The following HEATR5B variants were observed in gnomAD, a reference collection of about 807,000 sequenced individuals.
HEATR5B encodes HEAT repeat-containing protein 5B.
HEATR5B carries 156 observed loss-of-function variants against 224.1 expected under a neutral mutation model. That is an observed-to-expected ratio of 0.70 (90% CI 0.61 to 0.80). HEATR5B has a LOEUF of 0.80. Ranked by LOEUF, HEATR5B falls within the 30% of genes least tolerant of loss-of-function variation. The pLI is 0.00. For synonymous variants in HEATR5B, 1,027 were observed against 893.0 expected (o/e 1.15, Z -2.68); for missense variants, 2,323 against 2,535.5 (o/e 0.92, Z 1.80).
rs77202432 is a variant in HEATR5B, at chr2:37,027,844, G to A, written c.3853+79C>T. The A allele has an allele frequency of 1.1e-3, 1,476 of 1,388,370 alleles. 7 individuals are homozygous for A. The African/African-American group carries it at 0.016, about 15-fold the overall frequency. 86.0% of individuals were successfully genotyped at this position (1,388,370 alleles called of 1,614,324 possible). On this transcript the variant is annotated intron_variant, in intron 24 of 35. Transcript: ENST00000233099. Reference sequence around the variant, plus strand: ...TATTCTAAAGCACGCTATATCTGTCGCAGTAAAATATCTCATAGCAGCAAA... The same window carrying A: ...TATTCTAAAGCACGCTATATCTGTCACAGTAAAATATCTCATAGCAGCAAA...
chr2:37,059,045 T>C, intron 12 of HEATR5B, 58 bp from the exon 13 acceptor site: 1 of 1,060,612 alleles, frequency 9.4e-7, no homozygotes, highest in Non-Finnish European at 1.4e-6. Flanking sequence ...ATGAATTAAT[T>C]TATAAAATTG....
intron 5 of HEATR5B, among the ~76,000 whole-genome samples, 197 bp downstream of exon 5, chr2:37,075,288 A>G (rs1470300963): frequency 6.6e-6 from 1 of 152,252 alleles, no homozygotes; most frequent in Non-Finnish European, 1.5e-5. Flanking sequence ...AAACAATTAT[A>G]CTAAGTGAAA....
intron 35 of HEATR5B, among the ~76,000 whole-genome samples, chr2:36,987,225 T>A (rs141924980): frequency 6.6e-6 from 1 of 152,058 alleles, no homozygotes; most frequent in African/African-American, 2.4e-5. Flanking sequence ...GGTGAGGAGT[T>A]CAAGACCAAC....
intron 24 of HEATR5B, among the ~76,000 whole-genome samples, chr2:37,021,088 G>A (rs1034332758): frequency 6.6e-5 from 10 of 152,118 alleles, no homozygotes; most frequent in South Asian, 2.1e-4. Flanking sequence ...TACTTTTAAC[G>A]TAACTTTCCC....
chr2:37,056,962 A>G (rs1218473059), intron 15 of HEATR5B, among the ~76,000 whole-genome samples: 1 of 152,188 alleles, frequency 6.6e-6, no homozygotes, highest in Non-Finnish European at 1.5e-5. Context: ...TCAGTGGGCA[A>G]AAGTTCTAAA....
intron 16 of HEATR5B, among the ~76,000 whole-genome samples, chr2:37,054,348 A>C (rs1670758525): frequency 6.8e-6 from 1 of 146,268 alleles, no homozygotes. Context: ...CGCCTGGCTA[A>C]TTTTGTATTT....
intron 35 of HEATR5B, among the ~76,000 whole-genome samples, chr2:36,982,859 CAG>C (rs1665672115): frequency 7.3e-6 from 1 of 136,954 alleles, no homozygotes; most frequent in Non-Finnish European, 1.5e-5. Flanking sequence ...ATAACAGACA[CAG>C]ATACACACAC....
intron 33 of HEATR5B, among the ~76,000 whole-genome samples, chr2:36,992,188 AC>A (rs1437866468): frequency 1.3e-5 from 2 of 152,130 alleles, no homozygotes; most frequent in Non-Finnish European, 2.9e-5. Context: ...ACAGAGTGAG[AC>A]TCAGTCTCAA....
At position 37,058,477 on chromosome 2, in the gene HEATR5B, G is replaced by T; in HGVS notation, c.2033C>A (p.Ala678Asp). Residue 678 changes from alanine to aspartate, a missense_variant, in exon 14 of 36, where the codon GCT (alanine) becomes GAT (aspartate). By Grantham distance (126) the Ala-to-Asp change is moderately radical (BLOSUM62 -2). This residue lies in a region of HEATR5B where 502 missense variants were observed against 517.8 expected (regional missense o/e 0.97). Coordinates refer to ENST00000233099, the MANE Select transcript of HEATR5B (RefSeq NM_019024.3). ...MVRLRLYDIL[A>D]LLPPKTYEGS... ...TTCATAAGTTTTTGGAGGTAACAAA[G>T]CCAAGATATCATAAAGTCTTAAACG... The T allele has an allele frequency of 6.2e-7, 1 of 1,611,422 alleles. No individual in the cohort carries two copies. The highest frequency in any genetic ancestry group is 1.1e-5 in the South Asian group (1 of 90,986).
chr2:36,996,456 G>A (rs1666719899), intron 33 of HEATR5B, among the ~76,000 whole-genome samples: 1 of 143,588 alleles, frequency 7.0e-6, no homozygotes, highest in Admixed American at 7.1e-5. Context: ...ATGGAATCTC[G>A]CCCAAGCTTG....
Position 37,008,594 on chromosome 2 carries a change from C to A in HEATR5B, c.4522+17G>T. The A allele has an allele frequency of 6.4e-7, 1 of 1,553,710 alleles. No individual in the cohort carries two copies. The highest frequency in any genetic ancestry group is 8.9e-7 in the Non-Finnish European group (1 of 1,124,928). ...CTTTGAACTCCATAAAAGTAAAACT[C>A]AGAATGTAATACTCACCATCTGGAG... On this transcript the variant is annotated intron_variant, in intron 28 of 35. Transcript: ENST00000233099.
intron 24 of HEATR5B, among the ~76,000 whole-genome samples, chr2:37,027,265 G>C (rs1422381173): frequency 6.6e-6 from 1 of 152,126 alleles, no homozygotes; most frequent in Non-Finnish European, 1.5e-5. Flanking sequence ...ACAAACTATA[G>C]GATAAGGAAT....
intron 9 of HEATR5B, among the ~76,000 whole-genome samples, chr2:37,065,277 T>G (rs1671520342): frequency 6.6e-6 from 1 of 152,140 alleles, no homozygotes; most frequent in Admixed American, 6.6e-5. Flanking sequence ...TGATTTCTGT[T>G]CCAAAACTTT....
At chr2:37,047,873 C>T (rs1344611148) in intron 18 of HEATR5B, among the ~76,000 whole-genome samples, 1 of 152,128 alleles carries the variant, frequency 6.6e-6, no homozygotes, top group Non-Finnish European at 1.5e-5. Flanking sequence ...TCTGCCAAAT[C>T]TAAGACACCA....
chr2:37,007,781 T>C (rs75370310), intron 28 of HEATR5B, among the ~76,000 whole-genome samples: 1 of 152,372 alleles, frequency 6.6e-6, no homozygotes, highest in Non-Finnish European at 1.5e-5. Context: ...TGAACTGGAA[T>C]ACCTGTCTCT....
rs1672736034 is a variant in HEATR5B, at chr2:37,083,339, T to A, written c.76A>T (p.Ile26Phe). 1 of 1,614,102 alleles carries A rather than the reference T, an allele frequency of 6.2e-7. No homozygotes were observed. The change falls in exon 2 of 36, where the codon ATC becomes TTC. Residue 26 changes from isoleucine (I) to phenylalanine (F), a missense_variant. Around this residue, in one of 12 missense-constraint regions of HEATR5B, gnomAD observed 292 missense variants for 332.6 expected, o/e 0.88. Transcript: ENST00000233099. ...TCAAGAAATCGCAACCATTCAAAGA[T>A]GAAAACTGGTCTTTTTGCTTCGGTG... ...QITEAKRPVF[I>F]FEWLRFLDKV... is the part of the protein sequence containing the mutation.
intron 34 of HEATR5B, among the ~76,000 whole-genome samples, chr2:36,989,117 C>T (rs1228498736): frequency 1.3e-5 from 2 of 152,154 alleles, no homozygotes; most frequent in Non-Finnish European, 2.9e-5. Context: ...GATGGAGTCT[C>T]GCTCTGTCGC....
At chr2:37,073,709 T>C (rs576458165) in intron 5 of HEATR5B, among the ~76,000 whole-genome samples, 1 of 152,318 alleles carries the variant, frequency 6.6e-6, no homozygotes, top group South Asian at 2.1e-4. Flanking sequence ...AGACTTAATA[T>C]TATTAGGATG....
At chr2:36,996,264 T>C (rs1375777763) in intron 33 of HEATR5B, among the ~76,000 whole-genome samples, 3 of 151,716 alleles carry the variant, frequency 2.0e-5, no homozygotes, top group Non-Finnish European at 4.4e-5. Context: ...TTTCACCATG[T>C]TGGCCAGGCT....
Sources: gnomAD v4.1 joint callset for allele counts (sites outside exome capture counted in the v4.1 genomes callset) on GRCh38, gnomAD v4.1.1 for gene constraint, gnomAD v4.1.1 regional missense constraint, MANE v1.5 for transcripts, NCBI Gene and HGNC (gene_info 2026-07-23, HGNC 2026-07-21) for gene names.